FBXL17: variants seen among roughly 807,000 people sequenced by gnomAD.
FBXL17 encodes F-box and leucine rich repeat protein 17, also known as F-box/LRR-repeat protein 17.
Under a neutral mutation model 66.2 loss-of-function variants are expected in FBXL17, and 22 were observed. The ratio of observed to expected loss-of-function variants is 0.33; its 90% confidence interval spans 0.24 to 0.47. The LOEUF is 0.47. FBXL17 is among the 20% of genes least tolerant of loss of function. The pLI is 1.00. For missense variants in FBXL17, 878 were observed against 948.2 expected, an observed-to-expected ratio of 0.93 and a Z score of 0.97; for synonymous variants, 474 against 400.5, an observed-to-expected ratio of 1.18 and a Z score of -2.19.
chr5:108,360,640 GA>G (rs1156730962), intron 3 of FBXL17, among the ~76,000 whole-genome samples: 1 of 152,116 alleles, frequency 6.6e-6, no homozygotes, highest in African/African-American at 2.4e-5. Context: ...CCAAATTTCG[GA>G]AGTTTGGGCC....
chr5:108,172,791 CTTTAT>C (rs1412213751), intron 6 of FBXL17, among the ~76,000 whole-genome samples: 6 of 151,978 alleles, frequency 3.9e-5, no homozygotes, highest in African/African-American at 1.2e-4. Flanking sequence ...ACAAGAGCAG[CTTTAT>C]TTTATTTGTT....
At chr5:107,916,525 C>T (rs1580709612) in intron 7 of FBXL17, among the ~76,000 whole-genome samples, 1 of 152,278 alleles carries the variant, frequency 6.6e-6, no homozygotes, top group African/African-American at 2.4e-5. Flanking sequence ...TTGGAATATA[C>T]AATTTCAGAA....
intron 4 of FBXL17, among the ~76,000 whole-genome samples, chr5:108,297,195 T>C (rs890419532): frequency 1.3e-5 from 2 of 151,556 alleles, no homozygotes; most frequent in Non-Finnish European, 3.0e-5. Context: ...GGAAAACTTA[T>C]AATTCAGTAG....
chr5:107,876,020 C>T (rs1366590705), intron 8 of FBXL17, among the ~76,000 whole-genome samples: 2 of 152,208 alleles, frequency 1.3e-5, no homozygotes, highest in African/African-American at 4.8e-5. Flanking sequence ...AGGCTTTGGT[C>T]ATAGGACATT....
At chr5:108,320,894 A>C (rs1759587955) in intron 4 of FBXL17, among the ~76,000 whole-genome samples, 1 of 151,800 alleles carries the variant, frequency 6.6e-6, no homozygotes, top group African/African-American at 2.4e-5. Flanking sequence ...TGGAAAAATC[A>C]CGCAAATTTG....
At chr5:108,167,071 T>C (rs1396399544) in intron 6 of FBXL17, among the ~76,000 whole-genome samples, 1 of 152,198 alleles carries the variant, frequency 6.6e-6, no homozygotes, top group Non-Finnish European at 1.5e-5. Context: ...ATTGTGTTTT[T>C]TTTAAATCTC....
intron 7 of FBXL17, among the ~76,000 whole-genome samples, chr5:107,924,788 G>A (rs933287008): frequency 2.0e-5 from 3 of 152,128 alleles, no homozygotes; most frequent in Non-Finnish European, 4.4e-5. Context: ...CATCCATCAC[G>A]AAATTCTCGA....
At chr5:108,311,510 T>C (rs1452965653) in intron 4 of FBXL17, among the ~76,000 whole-genome samples, 1 of 152,126 alleles carries the variant, frequency 6.6e-6, no homozygotes, top group South Asian at 2.1e-4. Flanking sequence ...CTTCATGTTC[T>C]TTACTCTTAA....
chr5:107,881,835 A>G (rs1274681408), intron 7 of FBXL17, among the ~76,000 whole-genome samples: 1 of 152,210 alleles, frequency 6.6e-6, no homozygotes, highest in Non-Finnish European at 1.5e-5. Context: ...ATTAACATAC[A>G]AAATGAAGCC....
intron 6 of FBXL17, among the ~76,000 whole-genome samples, chr5:108,027,177 T>A (rs899335098): frequency 9.2e-5 from 14 of 152,176 alleles, no homozygotes; most frequent in Non-Finnish European, 5.9e-5. Flanking sequence ...TAAACTTAAT[T>A]TGAGTGTTTC....
chr5:108,158,951 G>C (rs1224288030), intron 6 of FBXL17, among the ~76,000 whole-genome samples: 1 of 152,010 alleles, frequency 6.6e-6, no homozygotes. Flanking sequence ...GATAAATATA[G>C]CTATGGAGAG....
intron 2 of FBXL17, among the ~76,000 whole-genome samples, chr5:108,367,224 A>G (rs1748723477): frequency 6.6e-6 from 1 of 152,140 alleles, no homozygotes; most frequent in Non-Finnish European, 1.5e-5. Flanking sequence ...AGTCAAAAAA[A>G]CTGTTTGCAA....
At chr5:108,235,330 G>GA (rs1755552147) in intron 4 of FBXL17, among the ~76,000 whole-genome samples, 1 of 152,138 alleles carries the variant, frequency 6.6e-6, no homozygotes, top group Non-Finnish European at 1.5e-5. Flanking sequence ...AATCGATCCA[G>GA]AAAGTCTCAT....
At chr5:108,145,955 A>G (rs994203550) in intron 6 of FBXL17, among the ~76,000 whole-genome samples, 3 of 152,086 alleles carry the variant, frequency 2.0e-5, no homozygotes, top group Non-Finnish European at 4.4e-5. Flanking sequence ...GCAGTGGCTC[A>G]CGCCTTTAAT....
chr5:108,258,844 A>G (rs1580703371), intron 4 of FBXL17, among the ~76,000 whole-genome samples: 1 of 152,088 alleles, frequency 6.6e-6, no homozygotes, highest in African/African-American at 2.4e-5. Context: ...TGAAGTGATA[A>G]CACACAGAGA....
chr5:108,144,957 T>C (rs549320625), intron 6 of FBXL17, among the ~76,000 whole-genome samples: 4 of 152,280 alleles, frequency 2.6e-5, no homozygotes, highest in South Asian at 2.1e-4. Context: ...GCAAATGTGA[T>C]AGAGAAGCAT....
chr5:108,301,490 T>C (rs962767453), intron 4 of FBXL17, among the ~76,000 whole-genome samples: 9 of 151,746 alleles, frequency 5.9e-5, no homozygotes, highest in Non-Finnish European at 1.0e-4. Flanking sequence ...CAGCTACATT[T>C]CTAATGGGGA....
chr5:107,980,664 A>ATTTTTTTTTTTTTTTTTT lies in FBXL17; in HGVS notation c.1822+40260_1822+40261insAAAAAAAAAAAAAAAAAA, dbSNP rs57472813. On this transcript the variant is annotated intron_variant, in intron 7 of 8. Coordinates refer to ENST00000542267, the MANE Select transcript of FBXL17 (RefSeq NM_001163315.3). Reference sequence around the variant, plus strand: ...TAAAATAATATATATATATATATATATTTTTTTTTTGAGATGGAGTCTTGC... The same window carrying ATTTTTTTTTTTTTTTTTT: ...TAAAATAATATATATATATATATATATTTTTTTTTTTTTTTTTTTTTTTTTTTTGAGATGGAGTCTTGC... 8.5e-4 allele frequency among the ~76,000 whole-genome samples: 53 copies of ATTTTTTTTTTTTTTTTTT among 62,064 alleles called. 4 individuals are homozygous for ATTTTTTTTTTTTTTTTTT. The highest frequency in any genetic ancestry group is 1.7e-4 in the Admixed American group (1 of 5,742). The allele number at this position is 62,064 out of a possible 152,430, so 40.7% of individuals were successfully genotyped here.
rs1379787939 is a variant in FBXL17, at chr5:108,075,594, G to A, written c.1746-54593C>T. ...GGGTTCAGGCAATTCTCCTGTCTCA[G>A]CCTCCTGAGTAGCTGGAATTACAGG... On this transcript the variant is annotated intron_variant, in intron 6 of 8. Transcript: ENST00000542267. Among the ~76,000 whole-genome samples, 3 of 152,066 alleles carry A rather than the reference G, an allele frequency of 2.0e-5. No homozygotes were observed. The East Asian group carries it at 5.8e-4, about 29-fold the overall frequency.
Sources: gnomAD v4.1 joint callset for allele counts (sites outside exome capture counted in the v4.1 genomes callset) on GRCh38, gnomAD v4.1.1 for gene constraint, MANE v1.5 for transcripts, NCBI Gene and HGNC (gene_info 2026-07-23, HGNC 2026-07-21) for gene names.